The following CDH12 variants were observed in gnomAD, a reference collection of about 807,000 sequenced individuals.
The protein encoded by CDH12 is cadherin 12.
A neutral mutation model predicts 74.1 loss-of-function variants in CDH12; 41 were observed. That is an observed-to-expected ratio of 0.55 (90% CI 0.43 to 0.72). The LOEUF is 0.72. Ranked by LOEUF, CDH12 falls within the 30% of genes least tolerant of loss-of-function variation. CDH12 has a pLI of 0.00. For synonymous variants in CDH12, 399 were observed against 355.0 expected (o/e 1.12, Z -1.39); for missense variants, 945 against 977.2 (o/e 0.97, Z 0.44).
intron 10 of CDH12, among the ~76,000 whole-genome samples, chr5:21,786,958 G>C (rs756925588): frequency 6.6e-6 from 1 of 152,128 alleles, no homozygotes; most frequent in Non-Finnish European, 1.5e-5. Context: ...GCCCTAAGAT[G>C]GGCCTGAATT....
chr5:22,478,112 T>C (rs139913147), intron 2 of CDH12, among the ~76,000 whole-genome samples: 31 of 152,228 alleles, frequency 2.0e-4, no homozygotes, highest in African/African-American at 7.5e-4. Context: ...ATTTTATTGT[T>C]AATTTTTTTG....
At chr5:22,363,621 G>A (rs1309195420) in intron 3 of CDH12, among the ~76,000 whole-genome samples, 1 of 152,056 alleles carries the variant, frequency 6.6e-6, no homozygotes, top group Non-Finnish European at 1.5e-5. Flanking sequence ...TATGTCCTTG[G>A]AAAGCTGACA....
intron 4 of CDH12, among the ~76,000 whole-genome samples, chr5:22,113,531 AG>A (rs1744931043): frequency 6.6e-6 from 1 of 152,068 alleles, no homozygotes; most frequent in Admixed American, 6.6e-5. Context: ...TCCCTGCTTG[AG>A]TTGTCCCACC....
intron 5 of CDH12, among the ~76,000 whole-genome samples, chr5:22,070,344 G>A (rs1741860932): frequency 6.6e-6 from 1 of 152,154 alleles, no homozygotes; most frequent in Admixed American, 6.6e-5. Context: ...ATGGTTTAAG[G>A]GGAAGTGGAC....
intron 1 of CDH12, among the ~76,000 whole-genome samples, chr5:22,837,381 C>G (rs565157748): frequency 1.6e-4 from 24 of 152,004 alleles, no homozygotes; most frequent in African/African-American, 5.5e-4. Flanking sequence ...ACACTTCAGC[C>G]TGGGCAACAG....
At chr5:22,197,540 A>G (rs1363285189) in intron 4 of CDH12, among the ~76,000 whole-genome samples, 5 of 152,188 alleles carry the variant, frequency 3.3e-5, no homozygotes, top group African/African-American at 1.2e-4. Flanking sequence ...AGATGCTTTT[A>G]AAGAGAAGCA....
intron 1 of CDH12, among the ~76,000 whole-genome samples, chr5:22,852,108 G>A (rs1737584896): frequency 1.3e-5 from 2 of 152,206 alleles, no homozygotes; most frequent in Admixed American, 6.5e-5. Flanking sequence ...TAATTTTCTA[G>A]CTGAGCAGTT....
chr5:22,537,180 T>C (rs1737886278), intron 1 of CDH12, among the ~76,000 whole-genome samples: 1 of 152,144 alleles, frequency 6.6e-6, no homozygotes, highest in African/African-American at 2.4e-5. Context: ...GGTAACAAGA[T>C]TACATATCAG....
chr5:22,028,781 CAA>C (rs1738580479), intron 5 of CDH12, among the ~76,000 whole-genome samples: 1 of 152,068 alleles, frequency 6.6e-6, no homozygotes, highest in South Asian at 2.1e-4. Context: ...CATATGGAAC[CAA>C]AAAAGAGCCC....
intron 1 of CDH12, among the ~76,000 whole-genome samples, chr5:22,668,814 T>C (rs1466360552): frequency 6.6e-6 from 1 of 152,164 alleles, no homozygotes; most frequent in Non-Finnish European, 1.5e-5. Context: ...TGTCTTTTTC[T>C]ATTGGTCATC....
intron 1 of CDH12, chr5:22,580,175 G>T (rs1030031915): frequency 1.4e-5 from 4 of 289,600 alleles, no homozygotes; most frequent in Non-Finnish European, 2.1e-5. Context: ...TCCAGATGAG[G>T]GTACATTTTG....
intron 5 of CDH12, among the ~76,000 whole-genome samples, chr5:21,976,223 T>C (rs989121978): frequency 2.0e-5 from 3 of 152,154 alleles, no homozygotes; most frequent in Non-Finnish European, 4.4e-5. Context: ...TGGGAAAGCA[T>C]TGAAATTCTA....
intron 11 of CDH12, among the ~76,000 whole-genome samples, chr5:21,776,176 A>C (rs1396896207): frequency 4.6e-5 from 7 of 152,170 alleles, no homozygotes; most frequent in Non-Finnish European, 1.0e-4. Context: ...CTGTGGCTGG[A>C]AACTGAGGGC....
Position 22,013,076 on chromosome 5 carries a change from A to G in CDH12, c.232-37691T>C, listed in dbSNP as rs554116711. On this transcript the variant is annotated intron_variant, in intron 5 of 14. Coordinates refer to ENST00000382254, the MANE Select transcript of CDH12 (RefSeq NM_004061.5). ...CGGACATGTCAAAACATGCTGTTTTACTTTGTTTTCATACTGCTATAAAGA... is the reference window on the plus strand; with the variant it reads ...CGGACATGTCAAAACATGCTGTTTTGCTTTGTTTTCATACTGCTATAAAGA... Among the ~76,000 whole-genome samples, 10 of 151,956 alleles carry G rather than the reference A, an allele frequency of 6.6e-5. No individual in the cohort carries two copies. The South Asian group carries it at 2.1e-3, about 32-fold the overall frequency.
intron 2 of CDH12, among the ~76,000 whole-genome samples, chr5:22,447,371 TCA>T (rs1744855898): frequency 6.6e-6 from 1 of 152,068 alleles, no homozygotes; most frequent in South Asian, 2.1e-4. Context: ...GTTAACTTTT[TCA>T]GTCTTTCAGT....
At chr5:22,417,712 T>C (rs950932471) in intron 2 of CDH12, among the ~76,000 whole-genome samples, 1 of 152,250 alleles carries the variant, frequency 6.6e-6, no homozygotes, top group Non-Finnish European at 1.5e-5. Flanking sequence ...TCAGTTGTGA[T>C]ATGTTGCTGT....
intron 1 of CDH12, among the ~76,000 whole-genome samples, chr5:22,689,339 C>T (rs139281151): frequency 3.3e-4 from 50 of 152,230 alleles, no homozygotes; most frequent in Non-Finnish European, 6.2e-4. Context: ...ACAGTAGAAA[C>T]GTGTATGCCA....
chr5:22,105,761 G>A (rs1744405465), intron 4 of CDH12, among the ~76,000 whole-genome samples: 2 of 151,766 alleles, frequency 1.3e-5, no homozygotes, highest in Non-Finnish European at 2.9e-5. Context: ...AACATCATTT[G>A]TGTTAGATTA....
intron 4 of CDH12, among the ~76,000 whole-genome samples, chr5:22,207,795 G>A (rs1222480174): frequency 6.6e-6 from 1 of 152,186 alleles, no homozygotes; most frequent in Non-Finnish European, 1.5e-5. Flanking sequence ...ACAGTGTTAT[G>A]AAATTGTTCC....
Sources: gnomAD v4.1 joint callset for allele counts (sites outside exome capture counted in the v4.1 genomes callset) on GRCh38, gnomAD v4.1.1 for gene constraint, MANE v1.5 for transcripts, NCBI Gene and HGNC (gene_info 2026-07-23, HGNC 2026-07-21) for gene names.